SORCS2: variants seen among roughly 807,000 people sequenced by gnomAD.
SORCS2 encodes sortilin related VPS10 domain containing receptor 2.
In SORCS2, 100 loss-of-function variants were observed where a neutral mutation model predicts 141.6. The ratio of observed to expected loss-of-function variants is 0.71; its 90% CI spans 0.60 to 0.83. The LOEUF is 0.83. SORCS2 is among the 40% of genes least tolerant of loss of function. SORCS2 has a pLI of 0.00. For synonymous variants in SORCS2, 789 were observed against 676.9 expected (o/e 1.17, Z -2.57); for missense variants, 1,646 against 1,560.2 (o/e 1.05, Z -0.93).
At chr4:7,476,164 T>C (rs534685727) in intron 2 of SORCS2, among the ~76,000 whole-genome samples, 1 of 152,204 alleles carries the variant, frequency 6.6e-6, no homozygotes, top group Admixed American at 6.5e-5. Context: ...CATGGATGGT[T>C]AGGAAGGATA....
chr4:7,456,326 A>AATGC (rs1461144895), intron 2 of SORCS2, among the ~76,000 whole-genome samples: 1 of 152,214 alleles, frequency 6.6e-6, no homozygotes, highest in African/African-American at 2.4e-5. Context: ...TGAATGAATG[A>AATGC]ATGAAATTAT....
intron 1 of SORCS2, among the ~76,000 whole-genome samples, chr4:7,243,950 C>T (rs192227723): frequency 8.1e-4 from 124 of 152,326 alleles, no homozygotes; most frequent in African/African-American, 2.8e-3. Flanking sequence ...GCTGGGTGTG[C>T]ACCAGGTGGA....
chr4:7,328,302 C>T (rs1719416345), intron 1 of SORCS2, among the ~76,000 whole-genome samples: 1 of 151,506 alleles, frequency 6.6e-6, no homozygotes, highest in Non-Finnish European at 1.5e-5. Flanking sequence ...TCCCAAAGTG[C>T]TGGGTTTACA....
chr4:7,314,800 G>GTTTTTTTTTTTTTTTTT (rs397880294), intron 1 of SORCS2, among the ~76,000 whole-genome samples: 1 of 109,832 alleles, frequency 9.1e-6, no homozygotes, highest in African/African-American at 3.4e-5. Flanking sequence ...CCACTGTTCT[G>GTTTTTTTTTTTTTTTTT]TTTTTTTTTT....
At chr4:7,638,635 A>G (rs534668144) in intron 4 of SORCS2, 143 bp downstream of exon 4, 25 of 837,830 alleles carry the variant, frequency 3.0e-5, no homozygotes, top group Non-Finnish European at 4.1e-5. Flanking sequence ...GGGGGCCGGG[A>G]TGCTGGACCC....
intron 2 of SORCS2, among the ~76,000 whole-genome samples, chr4:7,512,348 AGGAG>A (rs1415534840): frequency 2.6e-5 from 3 of 113,732 alleles, no homozygotes; most frequent in Admixed American, 1.1e-4. Context: ...AAGGAATGGA[AGGAG>A]GGAGGGAGGG....
intron 1 of SORCS2, among the ~76,000 whole-genome samples, chr4:7,227,038 C>T (rs573138410): frequency 6.6e-5 from 10 of 152,310 alleles, no homozygotes; most frequent in African/African-American, 2.2e-4. Flanking sequence ...CACCAGCACA[C>T]CTGCTCTTAT....
At chr4:7,223,567 C>A (rs1207124573) in intron 1 of SORCS2, among the ~76,000 whole-genome samples, 1 of 152,112 alleles carries the variant, frequency 6.6e-6, no homozygotes, top group Non-Finnish European at 1.5e-5. Flanking sequence ...AGGATGAATT[C>A]TCTCTGAAAT....
At chr4:7,433,942 G>A in intron 2 of SORCS2, 1 of 1,613,846 alleles carries the variant, frequency 6.2e-7, no homozygotes, top group South Asian at 1.1e-5. Context: ...CATGAGCTCA[G>A]AGCTGTTGGA....
At chr4:7,284,751 G>A (rs890134194) in intron 1 of SORCS2, among the ~76,000 whole-genome samples, 3 of 152,136 alleles carry the variant, frequency 2.0e-5, no homozygotes, top group Admixed American at 6.5e-5. Context: ...GCTACAACCG[G>A]GTGGCTTAAA....
At position 7,233,068 on chromosome 4, in the gene SORCS2, G is replaced by A. The variant is rs1204196053; in HGVS notation, c.480+39942G>A. On this transcript the variant is annotated intron_variant, in intron 1 of 26. Coordinates refer to ENST00000507866, the MANE Select transcript of SORCS2 (RefSeq NM_020777.3). This position sits in a 1 kb window ranked among gnomAD's most constrained non-coding sequence, Gnocchi z 4.5. ...GGGCATGGGTCAGCTGAGCCCAGGA[G>A]TCAGGCTTCGGCACCCGCATGTTCA... Among the ~76,000 whole-genome samples the A allele has an allele frequency of 1.3e-5, 2 of 152,204 alleles. No individual in the cohort carries two copies. Among genetic ancestry groups the A allele is most frequent in the Non-Finnish European group, 2.9e-5 (2 of 68,032 alleles).
intron 1 of SORCS2, among the ~76,000 whole-genome samples, chr4:7,254,623 A>T (rs532239713): frequency 6.6e-6 from 1 of 152,344 alleles, no homozygotes; most frequent in Non-Finnish European, 1.5e-5. Flanking sequence ...AAAATTGCAC[A>T]TGTGCCCTAT....
intron 3 of SORCS2, among the ~76,000 whole-genome samples, chr4:7,625,904 C>T (rs1366496028): frequency 2.6e-5 from 4 of 151,948 alleles, no homozygotes; most frequent in African/African-American, 7.3e-5. Flanking sequence ...TGTGTAAGGC[C>T]AAGGCAGGCG....
At chr4:7,425,327 C>G (rs901102117) in intron 2 of SORCS2, among the ~76,000 whole-genome samples, 2 of 152,194 alleles carry the variant, frequency 1.3e-5, no homozygotes, top group African/African-American at 2.4e-5. Flanking sequence ...GCAGCCTGGG[C>G]AAGAGACGTC....
chr4:7,455,056 ATGCTGTGTTGGGGTCAGC>A (rs1471919337), intron 2 of SORCS2, among the ~76,000 whole-genome samples: 80 of 21,916 alleles, frequency 3.7e-3, no homozygotes, highest in African/African-American at 8.8e-3. Flanking sequence ...TTGGGGTCAG[ATGCTGTGTTGGGGTCAGC>A]TGCTGTGTTG....
At chr4:7,500,480 C>T (rs1032385561) in intron 2 of SORCS2, among the ~76,000 whole-genome samples, 1 of 152,166 alleles carries the variant, frequency 6.6e-6, no homozygotes, top group Non-Finnish European at 1.5e-5. Context: ...GCCTCATCTG[C>T]TTCTGGGTGG....
At chr4:7,315,713 G>T (rs1718508924) in intron 1 of SORCS2, among the ~76,000 whole-genome samples, 8 of 152,136 alleles carry the variant, frequency 5.3e-5, no homozygotes, top group Admixed American at 5.2e-4. Context: ...CTTTCTCCCT[G>T]TGAGGACTCT....
In SORCS2 at chr4:7,536,317, G is replaced by A. The variant is rs915440068; in HGVS notation, c.648+4688G>A. On this transcript the variant is annotated intron_variant, in intron 3 of 26. Transcript: ENST00000507866. ...ATATACGGTACCTAGAATCAAGCCCGGCACACAGTTTGATAGTGGTCTTTG... is the reference window on the plus strand; with the variant it reads ...ATATACGGTACCTAGAATCAAGCCCAGCACACAGTTTGATAGTGGTCTTTG... Among the ~76,000 whole-genome samples the A allele has an allele frequency of 6.0e-4, 91 of 152,142 alleles. 1 individual carries two copies. Among genetic ancestry groups the A allele is most frequent in the Admixed American group, 6.0e-3 (91 of 15,284 alleles).
chr4:7,548,497 G>A (rs537345944), intron 3 of SORCS2, among the ~76,000 whole-genome samples: 2 of 152,178 alleles, frequency 1.3e-5, no homozygotes, highest in East Asian at 1.9e-4. Flanking sequence ...CTTCATGTCA[G>A]GGGGGTTGGT....
Sources: gnomAD v4.1 joint callset for allele counts (sites outside exome capture counted in the v4.1 genomes callset) on GRCh38, gnomAD v4.1.1 for gene constraint, Gnocchi (gnomAD v3.1) non-coding constraint, MANE v1.5 for transcripts, NCBI Gene and HGNC (gene_info 2026-07-23, HGNC 2026-07-21) for gene names.